The following DMD variants were observed in gnomAD, a reference collection of about 807,000 sequenced individuals.
DMD encodes dystrophin.
Under a neutral mutation model 330.1 loss-of-function variants are expected in DMD, and 63 were observed. The ratio of observed to expected loss-of-function variants is 0.19; its 90% CI spans 0.16 to 0.24. DMD has a LOEUF of 0.24. DMD is among the 10% of genes least tolerant of loss of function. The pLI is 1.00. For synonymous variants in DMD, 1,223 were observed against 959.8 expected, an observed-to-expected ratio of 1.27 and a Z score of -5.07; for missense variants, 3,344 against 2,684.1, an observed-to-expected ratio of 1.25 and a Z score of -5.43.
At chrX:32,564,943 G>T (rs941759365) in intron 16 of DMD, among the ~76,000 whole-genome samples, 2 of 111,596 alleles carry the variant, frequency 1.8e-5, no homozygotes, top group Non-Finnish European at 3.8e-5. Flanking sequence ...ATAATGCCAG[G>T]CTATGTGGCA....
intron 2 of DMD, among the ~76,000 whole-genome samples, chrX:32,952,451 T>A (rs1402669783): frequency 9.0e-6 from 1 of 111,384 alleles, no homozygotes; most frequent in Non-Finnish European, 1.9e-5. Context: ...TCCTTTAGCT[T>A]ACTTTAGAGC....
chrX:31,203,057 G>A (rs999866409), intron 67 of DMD, among the ~76,000 whole-genome samples: 3 of 110,404 alleles, frequency 2.7e-5, no homozygotes, highest in Non-Finnish European at 3.8e-5. Context: ...CGAGGCAGGT[G>A]GATCACCTGA....
chrX:32,791,452 A>G (rs780225529), intron 7 of DMD, among the ~76,000 whole-genome samples: 1 of 112,109 alleles, frequency 8.9e-6, no homozygotes, highest in Non-Finnish European at 1.9e-5. Flanking sequence ...AGACTGGACC[A>G]CTTGGTGTCC....
chrX:32,786,089 G>GTGTA (rs1372917189), intron 7 of DMD, among the ~76,000 whole-genome samples: 171 of 83,225 alleles, frequency 2.1e-3, no homozygotes, highest in African/African-American at 7.4e-3. Context: ...GAATAAGAGT[G>GTGTA]TGTGTGTGTG....
At chrX:32,356,175 C>T (rs1229892852) in intron 37 of DMD, among the ~76,000 whole-genome samples, 1 of 109,107 alleles carries the variant, frequency 9.2e-6, no homozygotes, top group South Asian at 3.9e-4. Flanking sequence ...TTAGGAGAGC[C>T]AAAATAATTA....
intron 11 of DMD, among the ~76,000 whole-genome samples, chrX:32,622,272 A>G (rs752283766): frequency 2.7e-5 from 3 of 111,772 alleles, no homozygotes; most frequent in Admixed American, 1.9e-4. Flanking sequence ...AAGTTTGAAA[A>G]CAGAAGAACC....
At chrX:32,457,438 C>A (rs1240240476) in intron 25 of DMD, among the ~76,000 whole-genome samples, 2 of 110,594 alleles carry the variant, frequency 1.8e-5, no homozygotes, top group African/African-American at 6.6e-5. Context: ...CAGAATAATT[C>A]TCTACTGATG....
chrX:32,129,314 T>G (rs2096676770), intron 44 of DMD, among the ~76,000 whole-genome samples: 1 of 111,433 alleles, frequency 9.0e-6, no homozygotes, highest in South Asian at 3.7e-4. Flanking sequence ...CAAAGTCACC[T>G]AATAAAAGTA....
At chrX:31,935,019 T>C (rs1215527742) in intron 45 of DMD, among the ~76,000 whole-genome samples, 1 of 112,044 alleles carries the variant, frequency 8.9e-6, no homozygotes, top group Non-Finnish European at 1.9e-5. Context: ...TTCTACTCTA[T>C]GTGCTTGGCC....
intron 26 of DMD, among the ~76,000 whole-genome samples, chrX:32,452,174 T>A (rs1755248254): frequency 9.4e-6 from 1 of 106,789 alleles, no homozygotes; most frequent in South Asian, 4.2e-4. Context: ...CAAATGACTC[T>A]ATAGTATCTA....
intron 53 of DMD, among the ~76,000 whole-genome samples, chrX:31,667,677 G>A (rs185268350): frequency 1.1e-3 from 125 of 111,230 alleles, no homozygotes; most frequent in Non-Finnish European, 1.2e-3. Context: ...TTAGATTGTC[G>A]TTTGTAACAG....
At chrX:31,519,334 G>C (rs900503218) in intron 55 of DMD, among the ~76,000 whole-genome samples, 1 of 112,151 alleles carries the variant, frequency 8.9e-6, no homozygotes, top group African/African-American at 3.2e-5. Flanking sequence ...TTAGAAAAAA[G>C]CAATTAGTTG....
intron 1 of DMD, among the ~76,000 whole-genome samples, chrX:33,130,998 A>G (rs1224573903): frequency 2.7e-5 from 3 of 111,760 alleles, no homozygotes; most frequent in Non-Finnish European, 5.6e-5. Context: ...TGGAGCTCAG[A>G]GAGGTTTTTC....
intron 41 of DMD, among the ~76,000 whole-genome samples, chrX:32,338,028 C>A (rs1287385674): frequency 9.0e-6 from 1 of 111,456 alleles, no homozygotes; most frequent in Non-Finnish European, 1.9e-5. Flanking sequence ...TCAGGTGAAA[C>A]TAGCTGTATG....
At chrX:33,044,881 T>A (rs1226761491) in intron 1 of DMD, among the ~76,000 whole-genome samples, 1 of 112,040 alleles carries the variant, frequency 8.9e-6, no homozygotes, top group Non-Finnish European at 1.9e-5. Flanking sequence ...AACACAATAG[T>A]TGTATAAAAA....
chrX:33,249,903 G>C (rs187919434), intron 1 of DMD, among the ~76,000 whole-genome samples: 245 of 109,802 alleles, frequency 2.2e-3, no homozygotes, highest in African/African-American at 7.7e-3. Context: ...TGTACTCAGA[G>C]AATGCACCAT....
intron 55 of DMD, among the ~76,000 whole-genome samples, chrX:31,606,590 A>T (rs1393798972): frequency 8.9e-6 from 1 of 111,733 alleles, no homozygotes; most frequent in East Asian, 2.8e-4. Flanking sequence ...ATTCCTCTTC[A>T]TGGGATCACT....
chrX:31,573,122 A>G (rs2075911246), intron 55 of DMD, among the ~76,000 whole-genome samples: 1 of 111,537 alleles, frequency 9.0e-6, no homozygotes, highest in African/African-American at 3.3e-5. Context: ...GTGATAATTT[A>G]AATTTAGCTA....
chrX:31,237,452 A>C (rs1270990993), intron 63 of DMD, among the ~76,000 whole-genome samples: 1 of 112,566 alleles, frequency 8.9e-6, no homozygotes, highest in Non-Finnish European at 1.9e-5. Context: ...ACTTTTCTGG[A>C]GACTAGATGC....
Sources: allele counts gnomAD v4.1 joint callset (sites outside exome capture counted in the v4.1 genomes callset), GRCh38; gene constraint gnomAD v4.1.1; transcripts MANE v1.5; gene names NCBI Gene and HGNC (gene_info 2026-07-23, HGNC 2026-07-21).